Variants in JAZF1 observed in about 807,000 individuals in gnomAD.
The protein encoded by JAZF1 is juxtaposed with another zinc finger protein 1.
In JAZF1, 8 loss-of-function variants were observed where a neutral mutation model predicts 26.4. That is an observed-to-expected ratio of 0.30 (90% CI 0.18 to 0.55). The LOEUF is 0.55. Among genes scored for constraint, JAZF1 ranks in the 20% least tolerant of loss-of-function variants. JAZF1 has a pLI of 0.94. For synonymous variants in JAZF1, 126 were observed against 122.3 expected (o/e 1.03, Z -0.20); for missense variants, 199 against 322.0 (o/e 0.62, Z 2.92).
At chr7:27,847,154 T>TTTC (rs1357070214) in intron 3 of JAZF1, among the ~76,000 whole-genome samples, 2 of 72,476 alleles carry the variant, frequency 2.8e-5, no homozygotes, top group African/African-American at 1.0e-4. Context: ...TTTTTTTCTT[T>TTTC]TTTTTTTTTT....
At chr7:27,916,348 T>C (rs919437715) in intron 2 of JAZF1, among the ~76,000 whole-genome samples, 1 of 152,284 alleles carries the variant, frequency 6.6e-6, no homozygotes, top group East Asian at 1.9e-4. Flanking sequence ...TTGTTATTCA[T>C]AGTACTAAGT....
chr7:28,158,972 C>T (rs1783235115), intron 1 of JAZF1, among the ~76,000 whole-genome samples: 2 of 152,186 alleles, frequency 1.3e-5, no homozygotes, highest in African/African-American at 4.8e-5. Context: ...GTGCCAGCCA[C>T]TGTCCTGGGC....
At chr7:28,180,370 T>A in intron 1 of JAZF1, 93 bp downstream of exon 1, 48 of 462,304 alleles carry the variant, frequency 1.0e-4, no homozygotes, top group Middle Eastern at 7.1e-4. Context: ...GCCGCCTCCC[T>A]CCCCGCCGGC....
intron 2 of JAZF1, among the ~76,000 whole-genome samples, chr7:27,977,315 C>T (rs1371119655): frequency 1.3e-5 from 2 of 152,202 alleles, no homozygotes; most frequent in Admixed American, 1.3e-4. Context: ...TAGAATACAT[C>T]TCTTAAAAGC....
intron 1 of JAZF1, among the ~76,000 whole-genome samples, chr7:28,119,893 A>T (rs549170266): frequency 2.2e-4 from 33 of 152,280 alleles, no homozygotes; most frequent in African/African-American, 7.7e-4. Context: ...TGTAAACATT[A>T]CCTATACATA....
chr7:27,868,862 G>A (rs1266133397), intron 3 of JAZF1, among the ~76,000 whole-genome samples: 1 of 152,088 alleles, frequency 6.6e-6, no homozygotes, highest in Non-Finnish European at 1.5e-5. Context: ...GGCTTTTCAC[G>A]GTGCCTGACA....
intron 2 of JAZF1, among the ~76,000 whole-genome samples, chr7:27,978,065 T>A (rs891268231): frequency 7.2e-5 from 11 of 152,244 alleles, no homozygotes; most frequent in Non-Finnish European, 1.6e-4. Context: ...GAATAAAAGT[T>A]GCAATAACAT....
intron 3 of JAZF1, among the ~76,000 whole-genome samples, chr7:27,876,741 G>T (rs2128338848): frequency 6.6e-6 from 1 of 152,318 alleles, no homozygotes; most frequent in African/African-American, 2.4e-5. Flanking sequence ...GTGATGGCAA[G>T]ATCATTTGGA....
intron 2 of JAZF1, among the ~76,000 whole-genome samples, chr7:27,932,339 G>T (rs549340480): frequency 6.6e-6 from 1 of 152,226 alleles, no homozygotes; most frequent in South Asian, 2.1e-4. Flanking sequence ...CATAATCTTG[G>T]CTCTATAGCC....
chr7:27,844,745 G>A (rs1192909035), intron 3 of JAZF1, among the ~76,000 whole-genome samples: 1 of 152,086 alleles, frequency 6.6e-6, no homozygotes, highest in Admixed American at 6.5e-5. Context: ...CCCCCTTCTC[G>A]CACCTCACTT....
At chr7:28,053,910 T>A (rs941614313) in intron 1 of JAZF1, among the ~76,000 whole-genome samples, 11 of 152,100 alleles carry the variant, frequency 7.2e-5, no homozygotes, top group Non-Finnish European at 1.2e-4. Context: ...TCAATCTTTT[T>A]AAAAAACTGT....
intron 1 of JAZF1, among the ~76,000 whole-genome samples, chr7:28,037,169 T>C (rs914461021): frequency 9.9e-5 from 15 of 152,176 alleles, no homozygotes; most frequent in African/African-American, 1.4e-4. Context: ...GCAGCAAGAC[T>C]AGATGTACTC....
intron 2 of JAZF1, among the ~76,000 whole-genome samples, chr7:27,923,510 C>A (rs1266451459): frequency 2.6e-5 from 4 of 152,218 alleles, no homozygotes; most frequent in Admixed American, 2.6e-4. Flanking sequence ...CTCCTTCATC[C>A]GGCTTATCTC....
intron 2 of JAZF1, among the ~76,000 whole-genome samples, chr7:27,939,861 T>C (rs551616317): frequency 1.3e-3 from 197 of 152,282 alleles, no homozygotes; most frequent in African/African-American, 4.6e-3. Context: ...GGTCTACACA[T>C]GATGTTTATT....
intron 1 of JAZF1, among the ~76,000 whole-genome samples, chr7:28,050,299 C>G (rs111649540): frequency 3.3e-5 from 5 of 152,252 alleles, no homozygotes; most frequent in African/African-American, 1.2e-4. Flanking sequence ...TCCATAGAGA[C>G]AGAAAGTAGG....
chr7:27,891,721 C>T (rs966303749), intron 3 of JAZF1, among the ~76,000 whole-genome samples: 4 of 152,066 alleles, frequency 2.6e-5, no homozygotes, highest in African/African-American at 7.2e-5. Context: ...CCCAGCTACA[C>T]AGGAGGCTGA....
chr7:27,849,773 A>ACACACACACACACACACACACACC (rs1187295731), intron 3 of JAZF1, among the ~76,000 whole-genome samples: 96 of 114,046 alleles, frequency 8.4e-4, no homozygotes, highest in African/African-American at 5.1e-3. Context: ...ACACACACAC[A>ACACACACACACACACACACACACC]CCCCTACACC....
chr7:28,149,236 C>T (rs1305409189), intron 1 of JAZF1, among the ~76,000 whole-genome samples: 2 of 152,152 alleles, frequency 1.3e-5, no homozygotes, highest in African/African-American at 4.8e-5. Context: ...TTGAACCAGA[C>T]AACTATATCC....
intron 1 of JAZF1, among the ~76,000 whole-genome samples, chr7:28,063,595 G>A (rs2128383213): frequency 6.6e-6 from 1 of 152,198 alleles, no homozygotes; most frequent in Non-Finnish European, 1.5e-5. Flanking sequence ...ATATCTTTAA[G>A]AATAGTTTCA....
Sources: gnomAD v4.1 joint callset for allele counts (sites outside exome capture counted in the v4.1 genomes callset) on GRCh38, gnomAD v4.1.1 for gene constraint, MANE v1.5 for transcripts, NCBI Gene and HGNC (gene_info 2026-07-23, HGNC 2026-07-21) for gene names.